The following FBXL2 variants were observed in gnomAD, a reference collection of about 807,000 sequenced individuals.
The protein encoded by FBXL2 is F-box and leucine rich repeat protein 2.
In FBXL2, 38 loss-of-function variants were observed where a neutral mutation model predicts 69.2. The ratio of observed to expected loss-of-function variants is 0.55; its 90% CI spans 0.42 to 0.72. The LOEUF (loss-of-function observed/expected upper bound fraction) is 0.72, where lower values mean the gene tolerates loss of function less well. FBXL2 is among the 30% of genes least tolerant of loss of function. The probability of loss-of-function intolerance (pLI) is 0.00; values close to 1 mark genes in which losing one functional copy is unlikely to be tolerated. For missense variants in FBXL2, 354 were observed against 520.3 expected, an observed-to-expected ratio of 0.68 and a Z score of 3.11; for synonymous variants, 192 against 201.3, an observed-to-expected ratio of 0.95 and a Z score of 0.39.
Position 33,385,470 on chromosome 3 carries a change from A to G in FBXL2, c.1165-31A>G, listed in dbSNP as rs199884822. 15 of 1,557,814 alleles carry G rather than the reference A, an allele frequency of 9.6e-6. No homozygotes were observed. The East Asian group carries it at 1.3e-4, about 14-fold the overall frequency. On this transcript the variant is annotated intron_variant, in intron 14 of 14. Transcript: ENST00000484457. Reference sequence around the variant, plus strand: ...TATAATCCTAAAAATAGTAATGTGTAAAGACTCCACTTTTTTCTTCATCCT... The same window carrying G: ...TATAATCCTAAAAATAGTAATGTGTGAAGACTCCACTTTTTTCTTCATCCT...
intron 10 of FBXL2, 41 bp downstream of exon 10, chr3:33,375,459 G>A (rs1262003606): frequency 2.5e-6 from 4 of 1,599,028 alleles, no homozygotes; most frequent in Middle Eastern, 1.7e-4. Context: ...TCAGAGTTTG[G>A]CTGAGTTAAC....
intron 5 of FBXL2, among the ~76,000 whole-genome samples, chr3:33,367,984 T>C (rs912069893): frequency 7.2e-5 from 11 of 152,228 alleles, no homozygotes; most frequent in African/African-American, 2.7e-4. Context: ...TTTAGAACAA[T>C]ATTATTTAGT....
chr3:33,297,182 T>C (rs1307032741), intron 1 of FBXL2, among the ~76,000 whole-genome samples: 1 of 152,190 alleles, frequency 6.6e-6, no homozygotes. Flanking sequence ...TTTTCTGAAG[T>C]TTATTTTCAG....
the FBXL2 span, chr3:33,411,539 A>C: frequency 1.2e-5 from 19 of 1,544,742 alleles, no homozygotes; most frequent in Non-Finnish European, 1.7e-5. Flanking sequence ...CATGACCTAA[A>C]TAACTAGGTT....
At chr3:33,278,157 A>G (rs1340432172) in intron 1 of FBXL2, 1 of 152,182 alleles carries the variant, frequency 6.6e-6, no homozygotes, top group Non-Finnish European at 1.5e-5. Context: ...AACGTCTTAA[A>G]TCATTACCTT....
chr3:33,357,320 CTGTT>C (rs1429313338), intron 2 of FBXL2, among the ~76,000 whole-genome samples: 52 of 152,122 alleles, frequency 3.4e-4, no homozygotes, highest in Admixed American at 6.5e-5. Context: ...GCTAGTTTCT[CTGTT>C]TGGTGTTTGT....
At chr3:33,366,118 C>T (rs2041938103) in intron 5 of FBXL2, among the ~76,000 whole-genome samples, 1 of 152,142 alleles carries the variant, frequency 6.6e-6, no homozygotes, top group South Asian at 2.1e-4. Flanking sequence ...TTCTTTAAAT[C>T]ATGAATTAGA....
At chr3:33,322,768 GGTGATCATACT>G (rs1050601827) in intron 2 of FBXL2, among the ~76,000 whole-genome samples, 2 of 152,040 alleles carry the variant, frequency 1.3e-5, no homozygotes, top group African/African-American at 4.8e-5. Context: ...AAGTTTGAGG[GGTGATCATACT>G]GTTTTATTAT....
chr3:33,400,124 T>A (rs1004597033), intron 12 of FBXL2: 2 of 1,114,294 alleles, frequency 1.8e-6, no homozygotes, highest in Non-Finnish European at 2.4e-6. Flanking sequence ...AATATAAAGT[T>A]AATAAAAGCA....
intron 1 of FBXL2, among the ~76,000 whole-genome samples, chr3:33,285,298 G>C (rs897033647): frequency 4.6e-5 from 7 of 152,140 alleles, no homozygotes; most frequent in African/African-American, 1.7e-4. Context: ...CTTCACTTCT[G>C]AAGCTTAGTT....
chr3:33,392,729 C>T (rs1388148588), downstream of FBXL2: 13 of 953,122 alleles, frequency 1.4e-5, no homozygotes, highest in Middle Eastern at 4.6e-4. Context: ...ATGGCCAAAA[C>T]GATAATTCAT....
intron 2 of FBXL2, among the ~76,000 whole-genome samples, chr3:33,298,421 C>A (rs556180968): frequency 6.6e-6 from 1 of 152,210 alleles, no homozygotes; most frequent in South Asian, 2.1e-4. Flanking sequence ...TCTGTAATCC[C>A]AGCACTTTGG....
At chr3:33,327,958 C>CA (rs11458838) in intron 2 of FBXL2, among the ~76,000 whole-genome samples, 126,208 of 145,040 alleles carry the variant, frequency 0.87, 54,908 homozygotes, top group Middle Eastern at 0.92. Context: ...AAGAATCTAC[C>CA]AAAAAAAAAA....
At chr3:33,401,409 C>T (rs1351697560) in intron 12 of FBXL2, among the ~76,000 whole-genome samples, 1 of 152,154 alleles carries the variant, frequency 6.6e-6, no homozygotes, top group Non-Finnish European at 1.5e-5. Flanking sequence ...AAAAAATGAG[C>T]TACAAGAAAT....
intron 2 of FBXL2, among the ~76,000 whole-genome samples, chr3:33,328,057 G>T (rs899676771): frequency 6.6e-6 from 1 of 151,216 alleles, no homozygotes; most frequent in Non-Finnish European, 1.5e-5. Flanking sequence ...TATGCCAGTG[G>T]TGAGCAAGCT....
At chr3:33,284,486 TA>T (rs199938557) in intron 1 of FBXL2, among the ~76,000 whole-genome samples, 2,181 of 152,328 alleles carry the variant, frequency 0.014, 21 homozygotes, top group South Asian at 0.036. Context: ...AATTTTGGAA[TA>T]AGTGCAATGT....
chr3:33,308,741 A>G (rs76719933), intron 2 of FBXL2, among the ~76,000 whole-genome samples: 1 of 152,038 alleles, frequency 6.6e-6, no homozygotes, highest in South Asian at 2.1e-4. Context: ...AATATTATAA[A>G]TCCCTCTCAG....
rs900195245 is a variant in FBXL2 at position 33,277,530 on chromosome 3, C to A, written c.3+15C>A. On this transcript the variant is annotated intron_variant, in intron 1 of 14. Transcript: ENST00000484457. ...CTTCGGCCATGGTGAGTCTGGGACC[C>A]GCGTCTGCCTAGCTGCCCCGCCCTA... The A allele has an allele frequency of 7.7e-7, 1 of 1,294,204 alleles. No homozygotes were observed. Among genetic ancestry groups the A allele is most frequent in the Non-Finnish European group, 9.9e-7 (1 of 1,013,002 alleles). 80.2% of individuals were successfully genotyped at this position (1,294,204 alleles called of 1,614,324 possible). A position where few individuals can be genotyped will look rare whatever the true frequency, so the allele number is the denominator to read the frequency against.
rs145860880 is a variant in FBXL2, at chr3:33,314,997, T to C, written c.65+17272T>C. On this transcript the variant is annotated intron_variant, in intron 2 of 14. Transcript: ENST00000484457. ...TCATGAAAAAAGTGGCTAGTTTAGCTTGCACTGCAAACAATTGCTTTTCCT... is the reference window on the plus strand; with the variant it reads ...TCATGAAAAAAGTGGCTAGTTTAGCCTGCACTGCAAACAATTGCTTTTCCT... Among the ~76,000 whole-genome samples the C allele has an allele frequency of 4.0e-3, 608 of 152,300 alleles. 7 individuals carry two copies. Among genetic ancestry groups the C allele is most frequent in the African/African-American group, 0.013 (551 of 41,566 alleles).
Sources: gnomAD v4.1 joint callset for allele counts (sites outside exome capture counted in the v4.1 genomes callset) on GRCh38, gnomAD v4.1.1 for gene constraint, MANE v1.5 for transcripts, NCBI Gene and HGNC (gene_info 2026-07-23, HGNC 2026-07-21) for gene names.